Variants in NXN observed in about 807,000 individuals in gnomAD.
The protein encoded by NXN is nucleoredoxin 1.
Under a neutral mutation model 48.6 loss-of-function variants are expected in NXN, and 16 were observed. The ratio of observed to expected loss-of-function variants is 0.33; its 90% CI spans 0.22 to 0.50. The LOEUF is 0.50. Among genes scored for constraint, NXN ranks in the 20% least tolerant of loss-of-function variants. The pLI, the probability that NXN is intolerant of heterozygous loss-of-function variation, is 0.98. For synonymous variants in NXN, 281 were observed against 269.6 expected (o/e 1.04, Z -0.41); for missense variants, 492 against 605.5 (o/e 0.81, Z 1.97).
At chr17:812,665 T>C (rs1567812503) in intron 5 of NXN, among the ~76,000 whole-genome samples, 1 of 143,320 alleles carries the variant, frequency 7.0e-6, no homozygotes, top group East Asian at 2.5e-4. Flanking sequence ...TGACTGTAGG[T>C]GTGTGTGAGT....
At chr17:938,795 C>T (rs969786572) in intron 1 of NXN, among the ~76,000 whole-genome samples, 11 of 152,146 alleles carry the variant, frequency 7.2e-5, no homozygotes, top group Non-Finnish European at 1.0e-4. Flanking sequence ...CGCGGTGGCT[C>T]ATGCCTGTAA....
intron 5 of NXN, among the ~76,000 whole-genome samples, chr17:809,910 G>A (rs115724059): frequency 0.053 from 7,922 of 148,960 alleles, 782 homozygotes; most frequent in African/African-American, 0.13. Flanking sequence ...TGTGAGTGCC[G>A]TGCACGTTAA....
rs549801747 is a variant in NXN at position 921,507 on chromosome 17, C to T, written c.360+57812G>A. On this transcript the variant is annotated intron_variant, in intron 1 of 7. Transcript: ENST00000336868. ...TGTGGCTTGTCCTTGGTCCCCTACGCCAGCCCCTCTGCCTGCCCCTGAATG... is the reference window on the plus strand; with the variant it reads ...TGTGGCTTGTCCTTGGTCCCCTACGTCAGCCCCTCTGCCTGCCCCTGAATG... Among the ~76,000 whole-genome samples, 139 of 152,308 alleles carry T rather than the reference C, an allele frequency of 9.1e-4. No homozygotes were observed. The Middle Eastern group carries it at 0.01, about 11-fold the overall frequency.
chr17:873,749 T>C (rs545070750), intron 1 of NXN, among the ~76,000 whole-genome samples: 2 of 152,138 alleles, frequency 1.3e-5, no homozygotes, highest in Admixed American at 1.3e-4. Context: ...AAAAAATATA[T>C]CCTCCTACAG....
At chr17:969,949 A>G (rs967049821) in intron 1 of NXN, among the ~76,000 whole-genome samples, 1 of 152,136 alleles carries the variant, frequency 6.6e-6, no homozygotes, top group African/African-American at 2.4e-5. Context: ...TTTACCTGTA[A>G]TTGGTGCCTG....
rs529612509 is a variant in NXN at position 814,942 on chromosome 17, T to A, written c.820+4497A>T. Among the ~76,000 whole-genome samples, 22 of 152,254 alleles carry A rather than the reference T, an allele frequency of 1.4e-4. 1 individual carries two copies. In the South Asian group the frequency reaches 3.1e-3, roughly 21 times the overall value. ...CACCACGCCTGGCTAATTTTTGTAT[T>A]TTTAGTAGAGATGGGGTTTCGCCAT... On this transcript the variant is annotated intron_variant, in intron 5 of 7. Transcript: ENST00000336868.
chr17:949,877 C>T (rs566876079), intron 1 of NXN, among the ~76,000 whole-genome samples: 1 of 151,518 alleles, frequency 6.6e-6, no homozygotes, highest in African/African-American at 2.4e-5. Context: ...CATTGTTCAG[C>T]CCCAGCATCT....
intron 5 of NXN, 31 bp downstream of exon 5, chr17:819,408 G>C (rs1371824308): frequency 1.3e-6 from 2 of 1,542,060 alleles, no homozygotes; most frequent in Non-Finnish European, 1.8e-6. Flanking sequence ...GTTTCCAGGA[G>C]CCACACGGAG....
At chr17:817,849 G>A (rs926198932) in intron 5 of NXN, among the ~76,000 whole-genome samples, 4 of 152,102 alleles carry the variant, frequency 2.6e-5, no homozygotes, top group African/African-American at 4.8e-5. Flanking sequence ...AAGAGAACGC[G>A]TTTAACTCAG....
At chr17:853,485 T>G (rs2067947314) in intron 1 of NXN, among the ~76,000 whole-genome samples, 1 of 151,094 alleles carries the variant, frequency 6.6e-6, no homozygotes, top group Non-Finnish European at 1.5e-5. Flanking sequence ...TCAGGCCCAC[T>G]GAAGTCTCTT....
rs542837419 is a variant in NXN, at chr17:947,614, T to C, written c.360+31705A>G. ...CGGGAGTGGTGGCACGTGCCTGTAA[T>C]CCAAGCCACTCGGGAGGCTGAGGCA... On this transcript the variant is annotated intron_variant, in intron 1 of 7. Coordinates refer to ENST00000336868, the MANE Select transcript of NXN (RefSeq NM_022463.5). Among the ~76,000 whole-genome samples the C allele has an allele frequency of 4.0e-4, 61 of 150,722 alleles. 1 individual carries two copies. The highest frequency in any genetic ancestry group is 1.2e-3 in the African/African-American group (51 of 40,896).
chr17:908,643 G>A (rs1384937101), intron 1 of NXN, among the ~76,000 whole-genome samples: 2 of 152,044 alleles, frequency 1.3e-5, no homozygotes, highest in African/African-American at 4.8e-5. Context: ...TGTACCAAAG[G>A]CCCCCTGGAG....
Position 979,733 on chromosome 17 carries a change from G to A in NXN, c.-55C>T, listed in dbSNP as rs935248986. 1.6e-6 allele frequency: 2 copies of A among 1,253,116 alleles called. No homozygotes were observed. Among genetic ancestry groups the A allele is most frequent in the African/African-American group, 1.6e-5 (1 of 63,092 alleles). 77.6% of individuals were successfully genotyped at this position (1,253,116 alleles called of 1,614,324 possible). On this transcript the variant is annotated 5_prime_UTR_variant, in exon 1 of 8. Coordinates refer to ENST00000336868, the MANE Select transcript of NXN (RefSeq NM_022463.5). ...TGCGACCCCGCTCCACGGTCCGCGC[G>A]GCGGGAGGAGGCGGCGGCGTCGGCG...
intron 1 of NXN, among the ~76,000 whole-genome samples, chr17:893,566 C>G (rs1198532165): frequency 6.6e-6 from 1 of 151,700 alleles, no homozygotes; most frequent in Non-Finnish European, 1.5e-5. Flanking sequence ...ATCTCAACCT[C>G]CGGAAGCCAG....
At position 802,127 on chromosome 17, in the gene NXN, C is replaced by CT. The variant is rs902379182; in HGVS notation, c.1126-997dup. On this transcript the variant is annotated intron_variant, in intron 7 of 7. Transcript: ENST00000336868. ...GGAGAAAGGATTTGTAAGGGAGCTA[C>CT]TTTTTTTTTTTGGAGATAGAGTCTC... Among the ~76,000 whole-genome samples, 324 of 147,670 alleles carry CT rather than the reference C, an allele frequency of 2.2e-3. 1 individual carries two copies. Among genetic ancestry groups the CT allele is most frequent in the Middle Eastern group, 7.1e-3 (2 of 280 alleles).
intron 1 of NXN, among the ~76,000 whole-genome samples, chr17:939,772 T>C (rs2068949896): frequency 6.6e-6 from 1 of 152,212 alleles, no homozygotes; most frequent in Admixed American, 6.5e-5. Flanking sequence ...TGTCGGAACA[T>C]CCATGCTTCT....
At chr17:820,324 G>A (rs376710381) in intron 4 of NXN, among the ~76,000 whole-genome samples, 31 of 152,266 alleles carry the variant, frequency 2.0e-4, no homozygotes, top group African/African-American at 7.0e-4. Flanking sequence ...TTAAAAAAGG[G>A]ACTGTGGCCA....
At chr17:871,533 T>C (rs1465742101) in intron 1 of NXN, among the ~76,000 whole-genome samples, 1 of 149,734 alleles carries the variant, frequency 6.7e-6, no homozygotes, top group Non-Finnish European at 1.5e-5. Flanking sequence ...GCCTCCCGAG[T>C]AGCTGGGATT....
chr17:866,745 A>C (rs556360553), intron 1 of NXN, among the ~76,000 whole-genome samples: 31 of 152,230 alleles, frequency 2.0e-4, no homozygotes, highest in Non-Finnish European at 3.5e-4. Flanking sequence ...CTATCAAGCA[A>C]GGACTTTTTA....
Sources: gnomAD v4.1 joint callset for allele counts (sites outside exome capture counted in the v4.1 genomes callset) on GRCh38, gnomAD v4.1.1 for gene constraint, MANE v1.5 for transcripts, NCBI Gene and HGNC (gene_info 2026-07-23, HGNC 2026-07-21) for gene names.